The following SLC39A11 variants were observed in gnomAD, a reference collection of about 807,000 sequenced individuals.
SLC39A11 encodes solute carrier family 39 member 11, also known as zinc transporter ZIP11.
SLC39A11 carries 33 observed loss-of-function variants against 36.1 expected under a neutral mutation model. The ratio of observed to expected loss-of-function variants is 0.91; its 90% CI spans 0.69 to 1.22. The LOEUF is 1.22. Ranked by LOEUF, SLC39A11 falls within the 50% of genes most tolerant of loss-of-function variation. The pLI is 0.00. For synonymous variants in SLC39A11, 166 were observed against 170.3 expected (o/e 0.97, Z 0.20); for missense variants, 432 against 430.3 (o/e 1.00, Z -0.03).
chr17:73,042,790 G>A (rs1444296399), intron 3 of SLC39A11, among the ~76,000 whole-genome samples: 3 of 152,170 alleles, frequency 2.0e-5, no homozygotes, highest in Non-Finnish European at 4.4e-5. Context: ...CAACAAGAGT[G>A]AAACTCCGTC....
At position 72,852,204 on chromosome 17, in the gene SLC39A11, CAAAAAAAAA is replaced by C. The variant is rs1167034424; in HGVS notation, c.431-2409_431-2401del. ...TGGGCAACAGAGCAAGACTCCGTCT[CAAAAAAAAA>C]AAAAAAAAAAAAAAACAGAAAGAAA... On this transcript the variant is annotated intron_variant, in intron 5 of 9. Transcript: ENST00000255559. Among the ~76,000 whole-genome samples the C allele has an allele frequency of 4.0e-4, 16 of 39,908 alleles. 1 individual carries two copies. Among genetic ancestry groups the C allele is most frequent in the Admixed American group, 8.9e-4 (2 of 2,248 alleles). 26.2% of individuals were successfully genotyped at this position (39,908 alleles called of 152,430 possible).
chr17:72,647,745 C>T, intron 9 of SLC39A11, 83 bp from the exon 10 acceptor site: 1 of 1,064,282 alleles, frequency 9.4e-7, no homozygotes, highest in Non-Finnish European at 1.4e-6. Flanking sequence ...TCTGCAATGT[C>T]CAATTCCAAG....
intron 6 of SLC39A11, among the ~76,000 whole-genome samples, chr17:72,769,179 CAAG>C (rs2075850257): frequency 6.6e-6 from 1 of 152,166 alleles, no homozygotes; most frequent in Admixed American, 6.5e-5. Context: ...CTGTCTGACT[CAAG>C]AAAATGCCTT....
At position 72,947,685 on chromosome 17, in the gene SLC39A11, G is replaced by A. The variant is rs150875026; in HGVS notation, c.430+67C>T. On this transcript the variant is annotated intron_variant, in intron 5 of 9. Coordinates refer to ENST00000255559, the MANE Select transcript of SLC39A11 (RefSeq NM_139177.4). ...TATTCATCCTACCACCAGCCCCCAC[G>A]TCCATATTGCCTGACTCAGCTCAGT... 2.9e-4 allele frequency: 467 copies of A among 1,608,850 alleles called. 3 individuals carry two copies. The East Asian group carries it at 9.0e-3, about 31-fold the overall frequency.
At chr17:72,683,285 C>T (rs948093598) in intron 7 of SLC39A11, among the ~76,000 whole-genome samples, 1 of 151,562 alleles carries the variant, frequency 6.6e-6, no homozygotes, top group African/African-American at 2.4e-5. Flanking sequence ...GAAATAGATC[C>T]AATGTCATGA....
intron 5 of SLC39A11, among the ~76,000 whole-genome samples, chr17:72,895,344 C>G (rs894323889): frequency 6.6e-6 from 1 of 151,992 alleles, no homozygotes; most frequent in Admixed American, 6.6e-5. Context: ...TTTGGGAGGC[C>G]AAGGTGGGAG....
intron 7 of SLC39A11, among the ~76,000 whole-genome samples, chr17:72,723,998 G>A (rs2073818818): frequency 6.6e-6 from 1 of 152,156 alleles, no homozygotes; most frequent in Non-Finnish European, 1.5e-5. Flanking sequence ...CTTCTTCCCT[G>A]GTAGGATTTC....
chr17:72,976,169 C>CA (rs71154939), intron 4 of SLC39A11, among the ~76,000 whole-genome samples: 681 of 67,768 alleles, frequency 0.01, 3 homozygotes, highest in Middle Eastern at 0.021. Flanking sequence ...GACTCCATCT[C>CA]AAAAAAAAAA....
At chr17:72,717,942 C>T (rs1177155089) in intron 7 of SLC39A11, among the ~76,000 whole-genome samples, 2 of 152,224 alleles carry the variant, frequency 1.3e-5, no homozygotes, top group East Asian at 3.9e-4. Flanking sequence ...TTCTTTCCCC[C>T]TTCCTGCCCC....
At chr17:72,853,818 C>T (rs1455576400) in intron 5 of SLC39A11, among the ~76,000 whole-genome samples, 1 of 152,122 alleles carries the variant, frequency 6.6e-6, no homozygotes, top group Non-Finnish European at 1.5e-5. Context: ...CCTGGTAAGG[C>T]TAGTTCAACC....
At chr17:72,971,895 G>A (rs574950668) in intron 4 of SLC39A11, among the ~76,000 whole-genome samples, 7 of 152,194 alleles carry the variant, frequency 4.6e-5, no homozygotes, top group Non-Finnish European at 1.0e-4. Flanking sequence ...CCTACGGTTT[G>A]CAGACTCAAG....
intron 5 of SLC39A11, among the ~76,000 whole-genome samples, chr17:72,900,220 A>AGAAG: frequency 6.8e-6 from 1 of 146,650 alleles, no homozygotes; most frequent in East Asian, 2.0e-4. Context: ...AAAGAAAGAA[A>AGAAG]GAAAGAAAGA....
chr17:72,954,064 A>G (rs1013727890), intron 4 of SLC39A11, among the ~76,000 whole-genome samples: 1 of 152,000 alleles, frequency 6.6e-6, no homozygotes, highest in African/African-American at 2.4e-5. Flanking sequence ...GTTATTTTTG[A>G]GAGACAGAGT....
intron 7 of SLC39A11, among the ~76,000 whole-genome samples, chr17:72,691,999 A>G (rs905214011): frequency 1.4e-5 from 2 of 147,780 alleles, no homozygotes; most frequent in African/African-American, 5.0e-5. Flanking sequence ...TCCCCCACCT[A>G]CCTCAAAGTA....
chr17:72,849,845 C>T (rs779903144), intron 5 of SLC39A11, 41 bp from the exon 6 acceptor site: 6 of 1,486,972 alleles, frequency 4.0e-6, no homozygotes, highest in East Asian at 2.4e-5. Context: ...GGAAAGACAG[C>T]GCTTTGAACA....
chr17:72,666,129 T>C (rs904393802), intron 7 of SLC39A11, among the ~76,000 whole-genome samples: 2 of 152,172 alleles, frequency 1.3e-5, no homozygotes, highest in Admixed American at 6.5e-5. Flanking sequence ...GGAGGTTAAA[T>C]TGGGCGACCC....
chr17:72,779,412 G>A (rs528540523), intron 6 of SLC39A11, among the ~76,000 whole-genome samples: 2 of 152,192 alleles, frequency 1.3e-5, no homozygotes, highest in Admixed American at 6.5e-5. Context: ...GTGACAGAGT[G>A]AGAGTCAGTC....
rs541797216 is a variant in SLC39A11 at position 72,672,531 on chromosome 17, T to G, written c.672-23263A>C. Among the ~76,000 whole-genome samples the G allele has an allele frequency of 2.0e-5, 3 of 152,368 alleles. No individual in the cohort carries two copies. The South Asian group carries it at 6.2e-4, about 32-fold the overall frequency. On this transcript the variant is annotated intron_variant, in intron 7 of 9. Transcript: ENST00000255559. ...CAGCACCATAAGATTCATCTTAACC[T>G]AAAAAGACAGTGAACTGTGGCCGTT...
At position 72,844,904 on chromosome 17, in the gene SLC39A11, C is replaced by G. The variant is rs117263779; in HGVS notation, c.601+4730G>C. On this transcript the variant is annotated intron_variant, in intron 6 of 9. Coordinates refer to ENST00000255559, the MANE Select transcript of SLC39A11 (RefSeq NM_139177.4). ...GTCTCAGTTGATGGCAATTCCATCC[C>G]TGCAGCTGGGCAGCCCTGAAACCTC... Among the ~76,000 whole-genome samples, 138 of 152,320 alleles carry G rather than the reference C, an allele frequency of 9.1e-4. 4 individuals are homozygous for G. The East Asian group carries it at 0.024, about 26-fold the overall frequency.
Sources: gnomAD v4.1 joint callset for allele counts (sites outside exome capture counted in the v4.1 genomes callset) on GRCh38, gnomAD v4.1.1 for gene constraint, MANE v1.5 for transcripts, NCBI Gene and HGNC (gene_info 2026-07-23, HGNC 2026-07-21) for gene names.